KPNA3: variants seen among roughly 807,000 people sequenced by gnomAD.
The protein encoded by KPNA3 is karyopherin subunit alpha 3.
In KPNA3, 13 loss-of-function variants were observed where a neutral mutation model predicts 73.8. That is an observed-to-expected ratio of 0.18 (90% confidence interval 0.11 to 0.28). KPNA3 has a LOEUF of 0.28. Ranked by LOEUF, KPNA3 falls within the 10% of genes least tolerant of loss-of-function variation. KPNA3 has a pLI of 1.00. For missense variants in KPNA3, 360 were observed against 618.1 expected (o/e 0.58, Z 4.43); for synonymous variants, 186 against 206.9 (o/e 0.90, Z 0.87).
Position 49,722,570 on chromosome 13 carries a change from T to C in KPNA3, c.470-7A>G, listed in dbSNP as rs1454044384. ...AGAAAAAGAGGTACTGCATCTGTAATAAAGAAAAACTAATATTTATACTAG... is the reference window on the plus strand; with the variant it reads ...AGAAAAAGAGGTACTGCATCTGTAACAAAGAAAAACTAATATTTATACTAG... On this transcript the variant is annotated splice_polypyrimidine_tract_variant and splice_region_variant and intron_variant, in intron 7 of 16. Transcript: ENST00000261667. 1 of 1,577,108 alleles carries C rather than the reference T, an allele frequency of 6.3e-7. No individual in the cohort carries two copies. The highest frequency in any genetic ancestry group is 8.7e-7 in the Non-Finnish European group (1 of 1,153,070).
intron 1 of KPNA3, among the ~76,000 whole-genome samples, chr13:49,770,483 T>C (rs1954844097): frequency 6.6e-6 from 1 of 152,096 alleles, no homozygotes; most frequent in Non-Finnish European, 1.5e-5. Context: ...CCTGGCCACT[T>C]TTCTACTTCC....
At chr13:49,755,567 A>G (rs1038668162) in intron 1 of KPNA3, among the ~76,000 whole-genome samples, 22 of 151,640 alleles carry the variant, frequency 1.5e-4, no homozygotes, top group African/African-American at 5.3e-4. Flanking sequence ...GAGACTGAGG[A>G]GGGCGGATCA....
chr13:49,720,199 G>A (rs1327030344), intron 9 of KPNA3, among the ~76,000 whole-genome samples: 4 of 152,146 alleles, frequency 2.6e-5, no homozygotes, highest in Non-Finnish European at 5.9e-5. Flanking sequence ...TAAAACTGCC[G>A]TAATTGTCTC....
intron 9 of KPNA3, among the ~76,000 whole-genome samples, chr13:49,720,726 T>G (rs1954347213): frequency 9.6e-6 from 1 of 103,796 alleles, no homozygotes; most frequent in African/African-American, 4.0e-5. Context: ...AGCGAGACTG[T>G]CTCAAAAAAA....
At chr13:49,721,761 C>T (rs753092070) in intron 9 of KPNA3, among the ~76,000 whole-genome samples, 194 bp downstream of exon 9, 9 of 151,884 alleles carry the variant, frequency 5.9e-5, no homozygotes, top group Non-Finnish European at 1.0e-4. Context: ...TGGAGCTTGC[C>T]GTGAGCCAAG....
chr13:49,781,935 G>T (rs1954943743), intron 1 of KPNA3, among the ~76,000 whole-genome samples: 1 of 152,216 alleles, frequency 6.6e-6, no homozygotes, highest in African/African-American at 2.4e-5. Context: ...CAAAGCTGAA[G>T]AATCAAGCCT....
intron 1 of KPNA3, among the ~76,000 whole-genome samples, chr13:49,787,337 A>G (rs967309725): frequency 6.6e-6 from 1 of 152,190 alleles, no homozygotes; most frequent in Non-Finnish European, 1.5e-5. Flanking sequence ...GTTCATCAAA[A>G]ATTTGCAAGG....
At chr13:49,704,421 A>T (rs1954181944) in intron 15 of KPNA3, among the ~76,000 whole-genome samples, 1 of 106,724 alleles carries the variant, frequency 9.4e-6, no homozygotes, top group African/African-American at 3.1e-5. Flanking sequence ...TCAAAAAAAA[A>T]ATAAATAAAT....
chr13:49,776,813 A>C (rs949031452), intron 1 of KPNA3, among the ~76,000 whole-genome samples: 14 of 152,222 alleles, frequency 9.2e-5, no homozygotes, highest in African/African-American at 3.4e-4. Flanking sequence ...AAGACAAAAA[A>C]AGCACCTCAA....
Position 49,750,740 on chromosome 13 carries a change from C to T in KPNA3, c.70-3747G>A, listed in dbSNP as rs374201723. ...GGCACAGTGGCTCATGCCTGTAATCCCAGAACTTTGGGAGGCCAAGGCAGG... is the reference window on the plus strand; with the variant it reads ...GGCACAGTGGCTCATGCCTGTAATCTCAGAACTTTGGGAGGCCAAGGCAGG... On this transcript the variant is annotated intron_variant, in intron 1 of 16. Coordinates refer to ENST00000261667, the MANE Select transcript of KPNA3 (RefSeq NM_002267.4). Among the ~76,000 whole-genome samples, 175 of 152,180 alleles carry T rather than the reference C, an allele frequency of 1.1e-3. 1 individual carries two copies. The highest frequency in any genetic ancestry group is 4.0e-3 in the African/African-American group (168 of 41,528).
intron 1 of KPNA3, among the ~76,000 whole-genome samples, chr13:49,755,536 C>T (rs1394076204): frequency 6.6e-6 from 1 of 152,218 alleles, no homozygotes; most frequent in African/African-American, 2.4e-5. Context: ...GTGGCTCACT[C>T]CTGTAATCCC....
rs1491165777 is a variant in KPNA3 at position 49,701,197 on chromosome 13, AGT to A, written c.*601_*602del. 1.3e-5 allele frequency: 2 copies of A among 148,440 alleles called. No homozygotes were observed. Among genetic ancestry groups the A allele is most frequent in the Non-Finnish European group, 3.0e-5 (2 of 65,906 alleles). 9.2% of individuals were successfully genotyped at this position (148,440 alleles called of 1,614,324 possible). ...CACATCAATTACTGGTAGATGAAGTAGTTTTTTTTTTTTTTTAAACTTATCTG... is the reference window on the plus strand; with the variant it reads ...CACATCAATTACTGGTAGATGAAGTATTTTTTTTTTTTTTAAACTTATCTG... On this transcript the variant is annotated 3_prime_UTR_variant, in exon 17 of 17. Transcript: ENST00000261667.
chr13:49,764,838 G>A (rs1954796688), intron 1 of KPNA3, among the ~76,000 whole-genome samples: 1 of 151,244 alleles, frequency 6.6e-6, no homozygotes, highest in Non-Finnish European at 1.5e-5. Flanking sequence ...TGAAAAAGTA[G>A]TCTAGACTGT....
chr13:49,725,268 G>T, intron 7 of KPNA3, 148 bp downstream of exon 7: 1 of 433,592 alleles, frequency 2.3e-6, no homozygotes, highest in South Asian at 5.5e-5. Flanking sequence ...AATTAATGAC[G>T]GCTATGAAAA....
chr13:49,780,592 C>T (rs3742096), intron 1 of KPNA3, among the ~76,000 whole-genome samples: 31,312 of 152,100 alleles, frequency 0.21, 3,599 homozygotes, highest in Middle Eastern at 0.27. Context: ...CAAAGCAATG[C>T]TTCTAAATGC....
chr13:49,709,781 G>C (rs1345022246), intron 11 of KPNA3, 81 bp from the exon 12 acceptor site: 4 of 1,347,956 alleles, frequency 3.0e-6, no homozygotes, highest in African/African-American at 3.0e-5. Flanking sequence ...CTGAGAAAAA[G>C]TAAAAATGCA....
chr13:49,785,768 T>C (rs1954977398), intron 1 of KPNA3, among the ~76,000 whole-genome samples: 1 of 149,866 alleles, frequency 6.7e-6, no homozygotes, highest in South Asian at 2.1e-4. Flanking sequence ...AAAAAAAAAG[T>C]TTGTTTGCTA....
At chr13:49,723,430 C>A (rs1005996765) in intron 7 of KPNA3, among the ~76,000 whole-genome samples, 1 of 151,778 alleles carries the variant, frequency 6.6e-6, no homozygotes, top group Non-Finnish European at 1.5e-5. Context: ...ATTAGCCGGG[C>A]GTGGTGGTGG....
intron 12 of KPNA3, among the ~76,000 whole-genome samples, chr13:49,706,755 CT>C (rs57320112): frequency 0.82 from 121,321 of 148,770 alleles, 50,053 homozygotes; most frequent in East Asian, 1. Context: ...TTTTTCTTTT[CT>C]TTTTTTTTTT....
Sources: gnomAD v4.1 joint callset for allele counts (sites outside exome capture counted in the v4.1 genomes callset) on GRCh38, gnomAD v4.1.1 for gene constraint, MANE v1.5 for transcripts, NCBI Gene and HGNC (gene_info 2026-07-23, HGNC 2026-07-21) for gene names.